SNX29: variants seen among roughly 807,000 people sequenced by gnomAD.
SNX29 encodes the protein sorting nexin 29, also known as sorting nexin-29.
SNX29 carries 78 observed loss-of-function variants against 102.1 expected under a neutral mutation model. The ratio of observed to expected loss-of-function variants is 0.76; its 90% CI spans 0.64 to 0.92. The LOEUF is 0.92. Among genes scored for constraint, SNX29 ranks in the 40% least tolerant of loss-of-function variants. The pLI, the probability that SNX29 is intolerant of heterozygous loss-of-function variation, is 0.00. For synonymous variants in SNX29, 580 were observed against 414.5 expected (o/e 1.40, Z -4.85); for missense variants, 1,280 against 1,061.7 (o/e 1.21, Z -2.86).
intron 15 of SNX29, among the ~76,000 whole-genome samples, chr16:12,342,650 T>C (rs376086316): frequency 6.6e-6 from 1 of 152,200 alleles, no homozygotes; most frequent in East Asian, 1.9e-4. Context: ...TTAGTCCTCA[T>C]AACAACGCTA....
intron 13 of SNX29, among the ~76,000 whole-genome samples, chr16:12,151,806 T>G (rs949904432): frequency 4.6e-5 from 7 of 152,106 alleles, no homozygotes; most frequent in African/African-American, 1.7e-4. Context: ...CACGATCTCG[T>G]CTCACTGCAA....
intron 16 of SNX29, among the ~76,000 whole-genome samples, chr16:12,383,304 T>C (rs1290157881): frequency 6.6e-6 from 1 of 152,198 alleles, no homozygotes; most frequent in Non-Finnish European, 1.5e-5. Flanking sequence ...AGGTCTTGGG[T>C]ATTCTGAGAT....
At chr16:12,001,602 C>T (rs889379378) in intron 2 of SNX29, among the ~76,000 whole-genome samples, 12 of 151,796 alleles carry the variant, frequency 7.9e-5, no homozygotes, top group African/African-American at 2.9e-4. Context: ...TATGTATATA[C>T]ACACACACAT....
chr16:12,002,797 C>T (rs1357325212), intron 2 of SNX29, among the ~76,000 whole-genome samples, 194 bp from the exon 3 acceptor site: 1 of 152,200 alleles, frequency 6.6e-6, no homozygotes, highest in Non-Finnish European at 1.5e-5. Context: ...CTTTAAGTGG[C>T]AGCTTCAAGG....
At chr16:12,170,421 C>G (rs1002259196) in intron 13 of SNX29, among the ~76,000 whole-genome samples, 3 of 151,998 alleles carry the variant, frequency 2.0e-5, no homozygotes, top group Non-Finnish European at 4.4e-5. Flanking sequence ...TGGGTCTCCT[C>G]TGTTACGTGG....
intron 18 of SNX29, among the ~76,000 whole-genome samples, chr16:12,403,880 C>G (rs1172825703): frequency 6.6e-6 from 1 of 152,158 alleles, no homozygotes; most frequent in Non-Finnish European, 1.5e-5. Context: ...CCATCAGGAA[C>G]CTGCTGCCAT....
chr16:12,107,411 A>G (rs1428382160), intron 11 of SNX29, among the ~76,000 whole-genome samples: 1 of 150,248 alleles, frequency 6.7e-6, no homozygotes. Flanking sequence ...TGATGCTTGT[A>G]ATCCCAGCAC....
intron 13 of SNX29, among the ~76,000 whole-genome samples, chr16:12,132,300 A>G (rs1377917817): frequency 6.6e-6 from 1 of 152,066 alleles, no homozygotes; most frequent in African/African-American, 2.4e-5. Flanking sequence ...GGGTTTCACT[A>G]TGTTGGCCAG....
chr16:12,261,129 G>T (rs1241739439), intron 14 of SNX29, among the ~76,000 whole-genome samples: 1 of 148,422 alleles, frequency 6.7e-6, no homozygotes, highest in African/African-American at 2.5e-5. Context: ...CGGCTGGAGT[G>T]AGTGGTTCCT....
chr16:12,059,566 C>G (rs2050682533), intron 8 of SNX29, among the ~76,000 whole-genome samples: 1 of 152,190 alleles, frequency 6.6e-6, no homozygotes, highest in Non-Finnish European at 1.5e-5. Context: ...TGCCACATGT[C>G]TGGCCAAAAG....
intron 19 of SNX29, among the ~76,000 whole-genome samples, chr16:12,517,630 G>A (rs9889205): frequency 0.56 from 84,478 of 152,066 alleles, 24,013 homozygotes; most frequent in South Asian, 0.68. Flanking sequence ...ATCTCCAGGC[G>A]CTGTGATAGG....
chr16:12,133,323 C>G (rs552509361), intron 13 of SNX29, among the ~76,000 whole-genome samples: 2 of 117,748 alleles, frequency 1.7e-5, no homozygotes, highest in South Asian at 6.1e-4. Context: ...TAGTATCTCA[C>G]TCTGTCACCC....
rs572087854 is a variant in SNX29, at chr16:12,344,335, C to T, written c.1783-11828C>T. On this transcript the variant is annotated intron_variant, in intron 15 of 20. Coordinates refer to ENST00000566228, the MANE Select transcript of SNX29 (RefSeq NM_032167.5). ...GGTGGTGTGAGAAAGGACTCTGGTT[C>T]CAATCCCACGGCCTTTAGTGTTAGC... Among the ~76,000 whole-genome samples, 80 of 152,298 alleles carry T rather than the reference C, an allele frequency of 5.3e-4. 1 individual carries two copies. Among genetic ancestry groups the T allele is most frequent in the African/African-American group, 1.9e-3 (79 of 41,560 alleles).
At chr16:12,228,005 C>T (rs971231578) in intron 14 of SNX29, among the ~76,000 whole-genome samples, 9 of 148,438 alleles carry the variant, frequency 6.1e-5, no homozygotes, top group African/African-American at 2.2e-4. Context: ...TGTTGCTGGG[C>T]TGGCCCACGC....
At chr16:12,054,235 G>A (rs947711844) in intron 8 of SNX29, among the ~76,000 whole-genome samples, 5 of 152,200 alleles carry the variant, frequency 3.3e-5, no homozygotes, top group Non-Finnish European at 7.3e-5. Flanking sequence ...CAAAGTGCTG[G>A]GATTACAGGC....
At chr16:12,266,805 C>T (rs1376543889) in intron 14 of SNX29, among the ~76,000 whole-genome samples, 1 of 152,042 alleles carries the variant, frequency 6.6e-6, no homozygotes, top group Non-Finnish European at 1.5e-5. Flanking sequence ...GCTCTGCCAC[C>T]CAGGCTGAAG....
Position 12,572,322 on chromosome 16 carries a change from G to A in SNX29, c.*3693G>A. The stretch of plus-strand genomic sequence containing the variant: ...ATCACAATCCAGGTTGGAAACAGGA[G>A]TGAAGCCCACCAGCCTGCCTGGTTG... On this transcript the variant is annotated 3_prime_UTR_variant, in exon 21 of 21. Coordinates refer to ENST00000566228, the MANE Select transcript of SNX29 (RefSeq NM_032167.5). The A allele has an allele frequency of 9.4e-7, 1 of 1,062,978 alleles. No individual in the cohort carries two copies. 65.8% of individuals were successfully genotyped at this position (1,062,978 alleles called of 1,614,324 possible).
chr16:11,980,459 A>G (rs1378272244), intron 1 of SNX29, among the ~76,000 whole-genome samples: 1 of 152,214 alleles, frequency 6.6e-6, no homozygotes, highest in Non-Finnish European at 1.5e-5. Flanking sequence ...CTGAATAATA[A>G]TGCTGCTATG....
intron 13 of SNX29, among the ~76,000 whole-genome samples, chr16:12,144,902 T>C (rs1439590614): frequency 6.6e-6 from 1 of 152,196 alleles, no homozygotes; most frequent in African/African-American, 2.4e-5. Context: ...TTTGTATTTT[T>C]AGTAGAGACG....
Sources: gnomAD v4.1 joint callset for allele counts (sites outside exome capture counted in the v4.1 genomes callset) on GRCh38, gnomAD v4.1.1 for gene constraint, MANE v1.5 for transcripts, NCBI Gene and HGNC (gene_info 2026-07-23, HGNC 2026-07-21) for gene names.